CNTN4: variants seen among roughly 807,000 people sequenced by gnomAD.
CNTN4 encodes contactin-4.
A neutral mutation model predicts 122.5 loss-of-function variants in CNTN4; 77 were observed. The ratio of observed to expected loss-of-function variants is 0.63; its 90% CI spans 0.52 to 0.76. The LOEUF (loss-of-function observed/expected upper bound fraction) is 0.76, where lower values mean the gene tolerates loss of function less well. CNTN4 is among the 30% of genes least tolerant of loss of function. CNTN4 has a pLI of 0.00. For synonymous variants in CNTN4, 512 were observed against 447.0 expected, an observed-to-expected ratio of 1.15 and a Z score of -1.83; for missense variants, 1,256 against 1,259.1, an observed-to-expected ratio of 1.00 and a Z score of 0.04.
intron 6 of CNTN4, among the ~76,000 whole-genome samples, chr3:2,787,770 G>T (rs928348047): frequency 1.2e-4 from 18 of 148,852 alleles, no homozygotes; most frequent in Admixed American, 5.5e-4. Context: ...ACACAGTCCT[G>T]CCATATTGTT....
intron 2 of CNTN4, among the ~76,000 whole-genome samples, chr3:2,181,619 A>T (rs976676971): frequency 6.6e-6 from 1 of 152,124 alleles, no homozygotes; most frequent in African/African-American, 2.4e-5. Flanking sequence ...TACATTTTAA[A>T]TACAAGGGCT....
intron 2 of CNTN4, among the ~76,000 whole-genome samples, chr3:2,194,249 A>G (rs1050093991): frequency 3.9e-5 from 6 of 152,176 alleles, no homozygotes; most frequent in African/African-American, 1.2e-4. Context: ...GGATCACTTG[A>G]GCCCAGGAGT....
At chr3:2,541,762 A>C (rs914939919) in intron 3 of CNTN4, among the ~76,000 whole-genome samples, 1 of 152,114 alleles carries the variant, frequency 6.6e-6, no homozygotes, top group Admixed American at 6.6e-5. Flanking sequence ...GGGCAAAAAT[A>C]TGTGCTGAGG....
chr3:2,589,346 C>G (rs147578098), intron 4 of CNTN4, among the ~76,000 whole-genome samples: 1 of 152,290 alleles, frequency 6.6e-6, no homozygotes, highest in East Asian at 1.9e-4. Flanking sequence ...TTTTACCTTT[C>G]TTTGAAGTGC....
intron 6 of CNTN4, among the ~76,000 whole-genome samples, chr3:2,746,031 C>G (rs551517738): frequency 2.8e-5 from 4 of 144,924 alleles, no homozygotes; most frequent in African/African-American, 1.0e-4. Flanking sequence ...CCCACACACA[C>G]CCACACACAC....
chr3:2,767,805 C>T (rs1385237087), intron 6 of CNTN4, among the ~76,000 whole-genome samples: 2 of 152,216 alleles, frequency 1.3e-5, no homozygotes, highest in Admixed American at 6.5e-5. Context: ...CCTGACAACC[C>T]AGCACCTAGT....
chr3:2,760,634 T>C (rs916900878), intron 6 of CNTN4, among the ~76,000 whole-genome samples: 28 of 152,222 alleles, frequency 1.8e-4, no homozygotes, highest in African/African-American at 6.0e-4. Context: ...TAATAGTACC[T>C]TAAGATCAAA....
At chr3:2,882,793 G>C in intron 8 of CNTN4, 1 of 221,734 alleles carries the variant, frequency 4.5e-6, no homozygotes, top group Non-Finnish European at 9.1e-6. Context: ...AAATTTTTCT[G>C]CAGTATACTT....
At chr3:2,911,796 T>C (rs970340153) in intron 12 of CNTN4, among the ~76,000 whole-genome samples, 10 of 152,038 alleles carry the variant, frequency 6.6e-5, no homozygotes, top group Non-Finnish European at 1.3e-4. Flanking sequence ...CAGAATATAG[T>C]ACTCAATTTA....
intron 2 of CNTN4, among the ~76,000 whole-genome samples, chr3:2,143,271 T>C (rs2035089527): frequency 6.6e-6 from 1 of 152,222 alleles, no homozygotes; most frequent in Non-Finnish European, 1.5e-5. Context: ...TTTGTGCATT[T>C]GGTTTGCAGT....
chr3:3,037,041 A>T, intron 17 of CNTN4, 138 bp from the exon 18 acceptor site: 1 of 972,752 alleles, frequency 1.0e-6, no homozygotes, highest in Non-Finnish European at 1.7e-6. Context: ...CTGTTGATGC[A>T]GCTAATATCA....
chr3:2,577,838 C>T (rs946869794), intron 4 of CNTN4, among the ~76,000 whole-genome samples: 5 of 152,156 alleles, frequency 3.3e-5, no homozygotes, highest in African/African-American at 1.2e-4. Flanking sequence ...ATGCTTGATA[C>T]ATTCTCAGTT....
chr3:2,119,357 A>T (rs1391767237), intron 2 of CNTN4, among the ~76,000 whole-genome samples: 1 of 152,142 alleles, frequency 6.6e-6, no homozygotes, highest in East Asian at 1.9e-4. Flanking sequence ...GAGAACCCTG[A>T]CTACTACACC....
chr3:2,488,361 G>T (rs918387454), intron 3 of CNTN4, among the ~76,000 whole-genome samples: 2 of 152,190 alleles, frequency 1.3e-5, no homozygotes, highest in African/African-American at 2.4e-5. Flanking sequence ...GTCTTGGGTT[G>T]TCTCTGGGTA....
intron 6 of CNTN4, among the ~76,000 whole-genome samples, chr3:2,758,517 C>CTTTTTTTTT (rs34531341): frequency 4.0e-5 from 5 of 124,256 alleles, no homozygotes; most frequent in Non-Finnish European, 6.5e-5. Flanking sequence ...CAACACCATA[C>CTTTTTTTTT]TTTTTTTTTT....
intron 3 of CNTN4, among the ~76,000 whole-genome samples, chr3:2,531,998 T>C (rs2077614143): frequency 6.6e-6 from 1 of 152,164 alleles, no homozygotes; most frequent in Admixed American, 6.5e-5. Flanking sequence ...TGAGAAACTG[T>C]TGTGTTGCCT....
At chr3:2,816,846 C>T (rs963964921) in intron 6 of CNTN4, among the ~76,000 whole-genome samples, 5 of 127,784 alleles carry the variant, frequency 3.9e-5, no homozygotes, top group Admixed American at 1.5e-4. Context: ...AAAAAAAGAA[C>T]TTACCCATGT....
At chr3:2,493,872 C>G (rs2076382720) in intron 3 of CNTN4, among the ~76,000 whole-genome samples, 1 of 152,212 alleles carries the variant, frequency 6.6e-6, no homozygotes, top group East Asian at 1.9e-4. Context: ...GGAATACAGA[C>G]TTGATGACTG....
chr3:2,357,036 G>C (rs1196870079), intron 3 of CNTN4, among the ~76,000 whole-genome samples: 1 of 152,106 alleles, frequency 6.6e-6, no homozygotes, highest in Non-Finnish European at 1.5e-5. Flanking sequence ...TTGATAACTA[G>C]ACCAGTACTT....
Sources: allele counts gnomAD v4.1 joint callset (sites outside exome capture counted in the v4.1 genomes callset), GRCh38; gene constraint gnomAD v4.1.1; transcripts MANE v1.5; gene names NCBI Gene and HGNC (gene_info 2026-07-23, HGNC 2026-07-21).